Variants in FBXL13 observed in about 807,000 individuals in gnomAD.
FBXL13 encodes F-box and leucine rich repeat protein 13.
Under a neutral mutation model 83.6 loss-of-function variants are expected in FBXL13, and 67 were observed. The observed-to-expected ratio is 0.80, with a 90% CI of 0.66 to 0.98. FBXL13 has a LOEUF of 0.98. Ranked by LOEUF, FBXL13 falls within the 50% of genes least tolerant of loss-of-function variation. FBXL13 has a pLI of 0.00. For synonymous variants in FBXL13, 272 were observed against 299.5 expected, an observed-to-expected ratio of 0.91 and a Z score of 0.95; for missense variants, 822 against 866.5, an observed-to-expected ratio of 0.95 and a Z score of 0.64.
At chr7:103,047,199 G>T (rs1796365958) in intron 2 of FBXL13, among the ~76,000 whole-genome samples, 1 of 151,990 alleles carries the variant, frequency 6.6e-6, no homozygotes, top group Non-Finnish European at 1.5e-5. Flanking sequence ...ACCAAACATT[G>T]GTTTTAAACT....
intron 1 of FBXL13, among the ~76,000 whole-genome samples, chr7:103,071,241 G>A (rs758272312): frequency 6.6e-6 from 1 of 152,068 alleles, no homozygotes; most frequent in Non-Finnish European, 1.5e-5. Flanking sequence ...ACATATGTAC[G>A]ATTGGAGTTC....
intron 10 of FBXL13, among the ~76,000 whole-genome samples, chr7:102,914,495 GAA>G (rs1344470490): frequency 2.0e-5 from 3 of 152,240 alleles, no homozygotes; most frequent in African/African-American, 7.2e-5. Context: ...CAAAAAGAAT[GAA>G]AAGTGAGGAG....
chr7:102,888,199 G>C (rs759411177), intron 11 of FBXL13, among the ~76,000 whole-genome samples: 1 of 152,192 alleles, frequency 6.6e-6, no homozygotes, highest in East Asian at 1.9e-4. Flanking sequence ...TTAGGAGTAA[G>C]ATAAAGTCTG....
intron 11 of FBXL13, among the ~76,000 whole-genome samples, chr7:102,900,652 G>A (rs764342418): frequency 2.0e-5 from 3 of 151,970 alleles, no homozygotes; most frequent in Non-Finnish European, 2.9e-5. Flanking sequence ...AAACTTCACC[G>A]GTTCTTCATG....
intron 8 of FBXL13, among the ~76,000 whole-genome samples, chr7:102,958,375 G>T (rs1277610257): frequency 6.6e-6 from 1 of 151,784 alleles, no homozygotes; most frequent in Non-Finnish European, 1.5e-5. Flanking sequence ...ATCACACAGT[G>T]GGGTCTGTTG....
intron 8 of FBXL13, chr7:102,934,432 G>C: frequency 6.2e-7 from 1 of 1,614,162 alleles, no homozygotes; most frequent in Non-Finnish European, 8.5e-7. Context: ...AGATAGAAAC[G>C]CTTATTTCAA....
At chr7:103,054,789 T>C (rs1442704705) in intron 2 of FBXL13, among the ~76,000 whole-genome samples, 2 of 152,198 alleles carry the variant, frequency 1.3e-5, no homozygotes, top group African/African-American at 4.8e-5. Context: ...TTTTCATCTT[T>C]ATAAAGATGC....
intron 17 of FBXL13, among the ~76,000 whole-genome samples, chr7:102,839,916 A>C (rs1802630199): frequency 6.6e-6 from 1 of 152,122 alleles, no homozygotes; most frequent in Non-Finnish European, 1.5e-5. Context: ...TTTTCTTGTC[A>C]CACCAAAAAA....
chr7:103,009,927 A>C (rs1255166509), intron 6 of FBXL13, among the ~76,000 whole-genome samples: 1 of 152,026 alleles, frequency 6.6e-6, no homozygotes, highest in Non-Finnish European at 1.5e-5. Flanking sequence ...ACCTGCCCCC[A>C]CCACTGGTAG....
At chr7:103,054,176 G>A (rs898411284) in intron 2 of FBXL13, among the ~76,000 whole-genome samples, 9 of 67,968 alleles carry the variant, frequency 1.3e-4, no homozygotes, top group Non-Finnish European at 3.1e-4. Flanking sequence ...CCTGAGGTCA[G>A]GAGTTCGAGA....
chr7:103,068,620 C>T (rs975246107), intron 1 of FBXL13, among the ~76,000 whole-genome samples: 3 of 152,156 alleles, frequency 2.0e-5, no homozygotes, highest in Admixed American at 6.5e-5. Flanking sequence ...TCCCTGGGAA[C>T]GTGTGCCAGC....
chr7:103,030,866 T>C (rs1382608990), intron 2 of FBXL13, among the ~76,000 whole-genome samples: 1 of 152,200 alleles, frequency 6.6e-6, no homozygotes, highest in East Asian at 1.9e-4. Flanking sequence ...AGAATTTTTG[T>C]TGTTCTAATA....
At chr7:103,045,471 T>C (rs931722239) in intron 2 of FBXL13, among the ~76,000 whole-genome samples, 1 of 152,242 alleles carries the variant, frequency 6.6e-6, no homozygotes, top group African/African-American at 2.4e-5. Context: ...CTATCACCAT[T>C]GTAAAAGTAC....
intron 6 of FBXL13, among the ~76,000 whole-genome samples, chr7:103,008,200 T>C (rs1352565790): frequency 6.6e-6 from 1 of 152,150 alleles, no homozygotes; most frequent in Non-Finnish European, 1.5e-5. Flanking sequence ...CATTCTACAA[T>C]AAAACATCCC....
chr7:102,995,356 C>G (rs184735773), intron 6 of FBXL13, among the ~76,000 whole-genome samples: 98 of 151,814 alleles, frequency 6.5e-4, no homozygotes, highest in Admixed American at 1.4e-3. Flanking sequence ...TGGTGGGTGC[C>G]TGTAGTCCCA....
At chr7:103,013,881 A>G (rs1174143175) in intron 6 of FBXL13, among the ~76,000 whole-genome samples, 1 of 152,186 alleles carries the variant, frequency 6.6e-6, no homozygotes, top group Admixed American at 6.5e-5. Context: ...AATACAAGGT[A>G]GACTGGTAGA....
chr7:102,828,377 C>T (rs894788199), intron 18 of FBXL13, among the ~76,000 whole-genome samples: 16 of 152,278 alleles, frequency 1.1e-4, no homozygotes, highest in African/African-American at 3.9e-4. Flanking sequence ...ATGACCATTT[C>T]GAAACCTCTA....
rs773766264 is a variant in FBXL13, at chr7:102,975,858, G to C, written c.496-7741C>G. ...ATGAGGAAAGTAAAAGGCAAAAACA[G>C]GCAGGGTTTCAAATGCTTGCCTCCT... On this transcript the variant is annotated intron_variant, in intron 6 of 19. Transcript: ENST00000313221. 16 of 699,012 alleles carry C rather than the reference G, an allele frequency of 2.3e-5. No homozygotes were observed. In the Admixed American group the frequency reaches 3.4e-4, roughly 15 times the overall value. 43.3% of individuals were successfully genotyped at this position (699,012 alleles called of 1,614,324 possible). A position where few individuals can be genotyped will look rare whatever the true frequency, so the allele number is the denominator to read the frequency against.
chr7:102,835,344 C>T (rs776408346), intron 17 of FBXL13, among the ~76,000 whole-genome samples: 1 of 152,102 alleles, frequency 6.6e-6, no homozygotes, highest in East Asian at 1.9e-4. Flanking sequence ...CAAGGAGGTA[C>T]AGAAAGGAAT....
Sources: allele counts gnomAD v4.1 joint callset (sites outside exome capture counted in the v4.1 genomes callset), GRCh38; gene constraint gnomAD v4.1.1; transcripts MANE v1.5; gene names NCBI Gene and HGNC (gene_info 2026-07-23, HGNC 2026-07-21).